The following RASL11A variants were observed in gnomAD, a reference collection of about 807,000 sequenced individuals.
RASL11A encodes the protein RAS like family 11 member A, also known as ras-like protein family member 11A.
Under a neutral mutation model 17.1 loss-of-function variants are expected in RASL11A, and 14 were observed. The observed-to-expected ratio is 0.82, with a 90% confidence interval of 0.54 to 1.28. RASL11A has a LOEUF of 1.28. RASL11A is among the 50% of genes most tolerant of loss of function. The probability of loss-of-function intolerance (pLI) is 0.00; values close to 1 mark genes in which losing one functional copy is unlikely to be tolerated. For synonymous variants in RASL11A, 146 were observed against 132.5 expected, an observed-to-expected ratio of 1.10 and a Z score of -0.70; for missense variants, 283 against 312.3, an observed-to-expected ratio of 0.91 and a Z score of 0.71.
chr13:27,273,036 A>G lies in RASL11A; in HGVS notation c.271A>G (p.Ser91Gly), dbSNP rs1882342043. Residue 91 changes from serine to glycine, a missense_variant, in exon 4 of 4, where the codon AGC becomes GGC. Coordinates refer to ENST00000241463, the MANE Select transcript of RASL11A (RefSeq NM_206827.2). The part of the protein sequence containing the change: ...DTPGGVQIQD[S>G]LPQVVDSLSK... ...TTTGATGTTTTCTCAGATCCAAGAC[A>G]GCCTCCCCCAGGTCGTCGATTCCCT... 6.2e-7 allele frequency: 1 copy of G among 1,613,296 alleles called. No homozygotes were observed. The highest frequency in any genetic ancestry group is 8.5e-7 in the Non-Finnish European group (1 of 1,179,244).
intron 1 of RASL11A, 140 bp from the exon 2 acceptor site, chr13:27,271,344 G>T: frequency 6.7e-7 from 1 of 1,501,690 alleles, no homozygotes; most frequent in Admixed American, 2.1e-5. Context: ...CCAAGCCCGC[G>T]GCACCACGGC....
Position 27,273,038 on chromosome 13 carries a change from C to T in RASL11A, c.273C>T (p.Ser91=), listed in dbSNP as rs1353484686. The change falls in exon 4 of 4, where the codon AGC becomes AGT. Residue 91 remains serine (S), a synonymous_variant. Coordinates refer to ENST00000241463, the MANE Select transcript of RASL11A (RefSeq NM_206827.2). ...DTPGGVQIQD[S]LPQVVDSLSK... ...TGATGTTTTCTCAGATCCAAGACAG[C>T]CTCCCCCAGGTCGTCGATTCCCTGT... is the stretch of plus-strand genomic sequence containing the variant. 1 of 1,613,402 alleles carries T rather than the reference C, an allele frequency of 6.2e-7. No homozygotes were observed. Among genetic ancestry groups the T allele is most frequent in the South Asian group, 1.1e-5 (1 of 91,078 alleles).
Position 27,275,117 on chromosome 13 carries a change from G to A in RASL11A, c.*1623G>A, listed in dbSNP as rs150695246. Among the ~76,000 whole-genome samples, 1 of 152,156 alleles carries A rather than the reference G, an allele frequency of 6.6e-6. No homozygotes were observed. The highest frequency in any genetic ancestry group is 1.5e-5 in the Non-Finnish European group (1 of 68,034). On this transcript the variant is annotated 3_prime_UTR_variant, in exon 4 of 4. Transcript: ENST00000241463. Reference sequence around the variant, plus strand: ...CTACCTATACAAAATGGCATGAAGGGTTAAGAAAATTAGATGATGCATGTC... The same window carrying A: ...CTACCTATACAAAATGGCATGAAGGATTAAGAAAATTAGATGATGCATGTC...
rs1334665643 is a variant in RASL11A, at chr13:27,273,593, TA to T, written c.*106del. ...ATCACACATTCAGAGTTTATTTTTA[TA>T]AAAAAATTGATTTTCAAGTACATGT... is the stretch of plus-strand genomic sequence containing the variant. On this transcript the variant is annotated 3_prime_UTR_variant, in exon 4 of 4. Coordinates refer to ENST00000241463, the MANE Select transcript of RASL11A (RefSeq NM_206827.2). 2.2e-6 allele frequency: 2 copies of T among 900,312 alleles called. No individual in the cohort carries two copies. Among genetic ancestry groups the T allele is most frequent in the Non-Finnish European group, 3.2e-6 (2 of 619,926 alleles). The allele number at this position is 900,312 out of a possible 1,614,324, so 55.8% of individuals were successfully genotyped here.
chr13:27,271,636 C>T lies in RASL11A; in HGVS notation c.182-3C>T, dbSNP rs1430850865. The T allele has an allele frequency of 3.1e-6, 5 of 1,614,146 alleles. No homozygotes were observed. The highest frequency in any genetic ancestry group is 1.7e-5 in the Admixed American group (1 of 60,032). On this transcript the variant is annotated splice_polypyrimidine_tract_variant and splice_region_variant and intron_variant, in intron 2 of 3. Transcript: ENST00000241463. ...AAAAAGCAAACTCTACTTCATTCTC[C>T]AGGCAAGCTGTATTCACGGCTGGTC...
intron 1 of RASL11A, 196 bp from the exon 2 acceptor site, chr13:27,271,288 T>C: frequency 6.9e-7 from 1 of 1,450,432 alleles, no homozygotes; most frequent in Non-Finnish European, 9.0e-7. Context: ...TGGCGCCTGT[T>C]CGGGGATGGG....
rs1566043761 is a variant in RASL11A, at chr13:27,271,492, G to A, written c.133G>A (p.Val45Met). 2.5e-6 allele frequency: 4 copies of A among 1,614,068 alleles called. No individual in the cohort carries two copies. The highest frequency in any genetic ancestry group is 2.2e-5 in the South Asian group (2 of 91,090). The change falls in exon 2 of 4, where the codon GTG becomes ATG. Residue 45 changes from valine to methionine, a missense_variant. By Grantham distance (21) the Val-to-Met change is conservative. Coordinates refer to ENST00000241463, the MANE Select transcript of RASL11A (RefSeq NM_206827.2). ...TCCTATTTCCTTTTCAGCAATGATC[G>A]TGCGCTTCCTGACCAAGAGATTCAT... Reference protein sequence around the residue: ...AGRVGKSAMIVRFLTKRFIGD... With the variant: ...AGRVGKSAMIMRFLTKRFIGD...
rs1173243077 is a variant in RASL11A, at chr13:27,274,853, T to C, written c.*1359T>C. ...TGGTAAGTTTTAAGTAAACATATAA[T>C]GAATAAATGAATGAATGCACCACTT... On this transcript the variant is annotated 3_prime_UTR_variant, in exon 4 of 4. Transcript: ENST00000241463. 6.6e-6 allele frequency among the ~76,000 whole-genome samples: 1 copy of C among 152,210 alleles called. No individual in the cohort carries two copies. The highest frequency in any genetic ancestry group is 1.5e-5 in the Non-Finnish European group (1 of 68,040).
In RASL11A at chr13:27,274,526, C is replaced by T. The variant is rs970868439; in HGVS notation, c.*1032C>T. 2.0e-5 allele frequency among the ~76,000 whole-genome samples: 3 copies of T among 152,344 alleles called. No homozygotes were observed. The highest frequency in any genetic ancestry group is 3.4e-3 in the Middle Eastern group (1 of 294). On this transcript the variant is annotated 3_prime_UTR_variant, in exon 4 of 4. Transcript: ENST00000241463. ...GTCCATTCCAACAGATTGTCTTTCT[C>T]AGCTGCTCCAGGCTCTTTCATGTCT...
chr13:27,271,211 C>T, intron 1 of RASL11A, 143 bp downstream of exon 1: 1 of 1,454,482 alleles, frequency 6.9e-7, no homozygotes, highest in South Asian at 1.5e-5. Context: ...CTGGGTGGGT[C>T]CCGGTCCGTC....
rs776628810 is a variant in RASL11A at position 27,272,296 on chromosome 13, C to CTATT, written c.261+591_261+594dup. On this transcript the variant is annotated intron_variant, in intron 3 of 3. Coordinates refer to ENST00000241463, the MANE Select transcript of RASL11A (RefSeq NM_206827.2). ...CCCGCCGGAACTCCCAGCTATTTAT[C>CTATT]TATTTATTTATTTATTAGTAGAGAT... Among the ~76,000 whole-genome samples the CTATT allele has an allele frequency of 6.6e-5, 10 of 152,212 alleles. No homozygotes were observed. The South Asian group carries it at 8.3e-4, about 13-fold the overall frequency.
chr13:27,271,216 T>TCCGTCCCGGC, intron 1 of RASL11A, 148 bp downstream of exon 1: 3 of 1,454,958 alleles, frequency 2.1e-6, no homozygotes, highest in Non-Finnish European at 1.8e-6. Flanking sequence ...TGGGTCCCGG[T>TCCGTCCCGGC]CCGTCCCGGC....
rs200001625 is a variant in RASL11A at position 27,271,463 on chromosome 13, A to T, written c.125-21A>T. 4.3e-4 allele frequency: 697 copies of T among 1,613,842 alleles called. 1 individual carries two copies. In the African/African-American group the frequency reaches 8.5e-3, roughly 20 times the overall value. On this transcript the variant is annotated intron_variant, in intron 1 of 3. Coordinates refer to ENST00000241463, the MANE Select transcript of RASL11A (RefSeq NM_206827.2). ...CAGGCTTGTTCTACTCCTTCGGTTGATTTTCCTATTTCCTTTTCAGCAATG... is the reference window on the plus strand; with the variant it reads ...CAGGCTTGTTCTACTCCTTCGGTTGTTTTTCCTATTTCCTTTTCAGCAATG...
In RASL11A at chr13:27,271,040, G is replaced by C; in HGVS notation, c.96G>C (p.Val32=). The C allele has an allele frequency of 2.5e-6, 4 of 1,581,938 alleles. No homozygotes were observed. The highest frequency in any genetic ancestry group is 2.3e-5 in the South Asian group (2 of 86,834). ...TGCCCAAGGACATCAAACTGGCGGT[G>C]CTGGGCGCCGGCCGCGTGGGCAAGA... ...YLLPKDIKLA[V]LGAGRVGKSA... Residue 32 remains valine, a synonymous_variant, in exon 1 of 4, where the codon GTG becomes GTC. Coordinates refer to ENST00000241463, the MANE Select transcript of RASL11A (RefSeq NM_206827.2).
chr13:27,273,070 G>T lies in RASL11A; in HGVS notation c.305G>T (p.Cys102Phe), dbSNP rs774165446. The T allele has an allele frequency of 5.0e-6, 8 of 1,614,078 alleles. No homozygotes were observed. In the African/African-American group the frequency reaches 8.0e-5, roughly 16 times the overall value. The change falls in exon 4 of 4, where the codon TGC (cysteine) becomes TTC (phenylalanine). Residue 102 changes from cysteine (C) to phenylalanine (F), a missense_variant. Physicochemically the swap from Cys to Phe is radical, Grantham distance 205. Transcript: ENST00000241463. ...LPQVVDSLSK[C>F]VQWAEGFLLV... ...CAGGTCGTCGATTCCCTGTCCAAATGCGTGCAGTGGGCCGAGGGTTTTCTG... is the reference window on the plus strand; with the variant it reads ...CAGGTCGTCGATTCCCTGTCCAAATTCGTGCAGTGGGCCGAGGGTTTTCTG...
chr13:27,274,261 T>C lies in RASL11A; in HGVS notation c.*767T>C, dbSNP rs1474589893. On this transcript the variant is annotated 3_prime_UTR_variant, in exon 4 of 4. Coordinates refer to ENST00000241463, the MANE Select transcript of RASL11A (RefSeq NM_206827.2). ...CCCTTAATCTAGACCTCCCTTTGACTGGCAGGCAAGAATCTAGGCAAGACT... is the reference window on the plus strand; with the variant it reads ...CCCTTAATCTAGACCTCCCTTTGACCGGCAGGCAAGAATCTAGGCAAGACT... Among the ~76,000 whole-genome samples the C allele has an allele frequency of 6.6e-6, 1 of 152,178 alleles. No individual in the cohort carries two copies. The highest frequency in any genetic ancestry group is 2.4e-5 in the African/African-American group (1 of 41,436).
rs748392058 is a variant in RASL11A, at chr13:27,271,711, G to C, written c.254G>C (p.Gly85Ala). 56 of 1,608,444 alleles carry C rather than the reference G, an allele frequency of 3.5e-5. No homozygotes were observed. The East Asian group carries it at 1.2e-3, about 34-fold the overall frequency. The change falls in exon 3 of 4, where the codon GGC (glycine) becomes GCC (alanine). Residue 85 changes from glycine (G) to alanine (A), a missense_variant. By Grantham distance (60) the Gly-to-Ala change is moderately conservative. Transcript: ENST00000241463. ...LSLQIQDTPGGVQIQDSLPQV... is the reference protein window; with the variant it reads ...LSLQIQDTPGAVQIQDSLPQV... ...CTGCAGATCCAGGATACTCCCGGGGGCGTCCAGGTAAGAACCGCCAGGGGC... is the reference window on the plus strand; with the variant it reads ...CTGCAGATCCAGGATACTCCCGGGGCCGTCCAGGTAAGAACCGCCAGGGGC...
rs1566043850 is a variant in RASL11A at position 27,271,646 on chromosome 13, GTATTCACGGCTGGTC to G, written c.193_207del (p.Ser65_Tyr69del). On this transcript the variant is annotated inframe_deletion, in exon 3 of 4. Transcript: ENST00000241463. ...CTCTACTTCATTCTCCAGGCAAGCT[GTATTCACGGCTGGTC>G]TATGTCGAGGGGGACCAGCTCTCCC... The G allele has an allele frequency of 1.2e-6, 2 of 1,614,184 alleles. No individual in the cohort carries two copies.
chr13:27,270,937 C>T lies in RASL11A; in HGVS notation c.-8C>T. 1 of 1,586,288 alleles carries T rather than the reference C, an allele frequency of 6.3e-7. No individual in the cohort carries two copies. The highest frequency in any genetic ancestry group is 8.6e-7 in the Non-Finnish European group (1 of 1,167,270). ...TCGGATTGCGCGCCGGACCCCGGGA[C>T]GCGCTCCATGCGGCCGCTCAGCATG... is the stretch of plus-strand genomic sequence containing the variant. On this transcript the variant is annotated 5_prime_UTR_variant, in exon 1 of 4. It adds an upstream start codon to the 5' untranslated region. Coordinates refer to ENST00000241463, the MANE Select transcript of RASL11A (RefSeq NM_206827.2).
Sources: gnomAD v4.1 joint callset for allele counts (sites outside exome capture counted in the v4.1 genomes callset) on GRCh38, gnomAD v4.1.1 for gene constraint, MANE v1.5 for transcripts, NCBI Gene and HGNC (gene_info 2026-07-23, HGNC 2026-07-21) for gene names.